Variants in FAM135A observed in about 807,000 individuals in gnomAD.
FAM135A encodes family with sequence similarity 135 member A, also known as protein FAM135A.
In FAM135A, 79 loss-of-function variants were observed where a neutral mutation model predicts 146.8. That is an observed-to-expected ratio of 0.54 (90% CI 0.45 to 0.65). The LOEUF (loss-of-function observed/expected upper bound fraction) is 0.65. FAM135A is among the 30% of genes least tolerant of loss of function. The probability of loss-of-function intolerance (pLI) is 0.00; values close to 1 mark genes in which losing one functional copy is unlikely to be tolerated. For synonymous variants in FAM135A, 562 were observed against 603.6 expected (o/e 0.93, Z 1.01); for missense variants, 1,623 against 1,758.2 (o/e 0.92, Z 1.38).
At position 70,525,777 on chromosome 6, in the gene FAM135A, T is replaced by C; in HGVS notation, c.2693T>C (p.Val898Ala). 1.2e-6 allele frequency: 2 copies of C among 1,613,450 alleles called. No homozygotes were observed. The highest frequency in any genetic ancestry group is 1.7e-6 in the Non-Finnish European group (2 of 1,179,638). ...SSITLQQQSV[V>A]FSGNLDNETV... Reference sequence around the variant, plus strand: ...ATCACTTTGCAACAGCAGAGTGTTGTATTTTCAGGGAACTTGGACAATGAA... The same window carrying C: ...ATCACTTTGCAACAGCAGAGTGTTGCATTTTCAGGGAACTTGGACAATGAA... The change falls in exon 15 of 22, where the codon GTA becomes GCA. Residue 898 changes from valine to alanine, a missense_variant. This residue lies in a region of FAM135A where 1,061 missense variants were observed against 1,113.8 expected (regional missense o/e 0.95). Coordinates refer to ENST00000418814, the MANE Select transcript of FAM135A (RefSeq NM_001162529.3).
intron 4 of FAM135A, among the ~76,000 whole-genome samples, chr6:70,429,709 CTA>C (rs1308572279): frequency 1.3e-5 from 2 of 151,998 alleles, no homozygotes; most frequent in African/African-American, 4.8e-5. Flanking sequence ...AATTTTATCA[CTA>C]TTATTACAAT....
At chr6:70,446,236 A>G (rs140428898) in intron 4 of FAM135A, among the ~76,000 whole-genome samples, 3,351 of 152,306 alleles carry the variant, frequency 0.022, 123 homozygotes, top group African/African-American at 0.076. Context: ...AAGAGCCATT[A>G]ATAGTTTCCA....
intron 5 of FAM135A, among the ~76,000 whole-genome samples, chr6:70,457,500 G>A (rs1778589622): frequency 6.6e-6 from 1 of 152,166 alleles, no homozygotes; most frequent in Non-Finnish European, 1.5e-5. Flanking sequence ...TTCCAAATGA[G>A]TATGTTTGTT....
intron 13 of FAM135A, 147 bp downstream of exon 13, chr6:70,522,733 A>G (rs2128340527): frequency 1.6e-6 from 1 of 642,558 alleles, no homozygotes; most frequent in Non-Finnish European, 2.6e-6. Flanking sequence ...TCTATAATCA[A>G]ATTGTTTCAT....
chr6:70,470,546 A>G (rs1781413066), intron 5 of FAM135A, among the ~76,000 whole-genome samples: 1 of 152,130 alleles, frequency 6.6e-6, no homozygotes, highest in South Asian at 2.1e-4. Context: ...TACTAGAGAC[A>G]GGATTTCGCC....
At chr6:70,458,738 C>G (rs1043509764) in intron 5 of FAM135A, among the ~76,000 whole-genome samples, 3 of 152,104 alleles carry the variant, frequency 2.0e-5, no homozygotes, top group African/African-American at 7.2e-5. Flanking sequence ...ATGCGTCTCA[C>G]AAGTGTTAGT....
Position 70,435,949 on chromosome 6 carries a change from C to T in FAM135A, c.77+7530C>T, listed in dbSNP as rs991526795. Among the ~76,000 whole-genome samples the T allele has an allele frequency of 3.9e-5, 6 of 152,094 alleles. No homozygotes were observed. The South Asian group carries it at 6.2e-4, about 16-fold the overall frequency. The stretch of plus-strand genomic sequence containing the variant: ...CTGTGATCCCAGCACTTTGGGAGGC[C>T]GAAGCAGGCTGATCACCTGAGGTCA... On this transcript the variant is annotated intron_variant, in intron 4 of 21. Transcript: ENST00000418814.
intron 4 of FAM135A, among the ~76,000 whole-genome samples, chr6:70,435,328 C>T (rs1772815239): frequency 6.6e-6 from 1 of 151,790 alleles, no homozygotes; most frequent in Non-Finnish European, 1.5e-5. Flanking sequence ...TGGTCTCAAA[C>T]TCCTGACCTT....
chr6:70,551,874 G>T (rs564654565), intron 20 of FAM135A, among the ~76,000 whole-genome samples: 18 of 152,072 alleles, frequency 1.2e-4, no homozygotes, highest in African/African-American at 4.3e-4. Context: ...ACTGATCACA[G>T]ATCACCATAA....
At chr6:70,454,932 T>A (rs1777984418) in intron 5 of FAM135A, among the ~76,000 whole-genome samples, 1 of 152,204 alleles carries the variant, frequency 6.6e-6, no homozygotes, top group South Asian at 2.1e-4. Flanking sequence ...TGGTTCCATA[T>A]GAATTTTAAA....
intron 4 of FAM135A, among the ~76,000 whole-genome samples, chr6:70,450,853 T>C (rs2128028190): frequency 6.8e-6 from 1 of 148,046 alleles, no homozygotes; most frequent in East Asian, 2.1e-4. Flanking sequence ...GCAATTCTCA[T>C]GCCTCAGCCT....
At chr6:70,481,854 A>G (rs1783762376) in intron 9 of FAM135A, 147 bp from the exon 10 acceptor site, 1 of 745,144 alleles carries the variant, frequency 1.3e-6, no homozygotes, top group African/African-American at 1.8e-5. Context: ...TTGTATAAAC[A>G]ACTCTCAAAT....
At chr6:70,440,717 C>G (rs1300873417) in intron 4 of FAM135A, among the ~76,000 whole-genome samples, 1 of 152,046 alleles carries the variant, frequency 6.6e-6, no homozygotes, top group East Asian at 1.9e-4. Flanking sequence ...TGTAAGTATT[C>G]AGTTTGAAAA....
intron 5 of FAM135A, among the ~76,000 whole-genome samples, chr6:70,470,439 C>T (rs112973812): frequency 0.021 from 3,235 of 152,238 alleles, 107 homozygotes; most frequent in African/African-American, 0.074. Context: ...ACTCTGCAAC[C>T]TCCGCCTCCC....
chr6:70,458,256 A>G (rs1356242490), intron 5 of FAM135A, among the ~76,000 whole-genome samples: 2 of 152,168 alleles, frequency 1.3e-5, no homozygotes, highest in African/African-American at 4.8e-5. Context: ...GAAATACATA[A>G]AATCTCTTTC....
intron 12 of FAM135A, among the ~76,000 whole-genome samples, chr6:70,520,940 GTGTT>G: frequency 6.6e-6 from 1 of 152,370 alleles, no homozygotes; most frequent in East Asian, 1.9e-4. Context: ...GAAAAGGTAA[GTGTT>G]TGGAGCACAA....
Position 70,440,111 on chromosome 6 carries a change from AATATGTCTCTTAC to A in FAM135A, c.77+11695_77+11707del, listed in dbSNP as rs1188551466. Among the ~76,000 whole-genome samples the A allele has an allele frequency of 2.0e-5, 3 of 152,320 alleles. No homozygotes were observed. In the East Asian group the frequency reaches 5.8e-4, roughly 29 times the overall value. On this transcript the variant is annotated intron_variant, in intron 4 of 21. Transcript: ENST00000418814. Reference sequence around the variant, plus strand: ...CAAAATTCATAGCTTGCATTTGGTTAATATGTCTCTTACATTTTCCAAAATTTAAAATTGATGG... The same window carrying A: ...CAAAATTCATAGCTTGCATTTGGTTAATTTTCCAAAATTTAAAATTGATGG...
chr6:70,500,308 C>T (rs1287234922), intron 11 of FAM135A, among the ~76,000 whole-genome samples: 1 of 152,130 alleles, frequency 6.6e-6, no homozygotes, highest in East Asian at 1.9e-4. Context: ...ATGAAGTTCT[C>T]GTGTTGTTTT....
chr6:70,462,869 G>A (rs1779681060), intron 5 of FAM135A, among the ~76,000 whole-genome samples: 1 of 152,196 alleles, frequency 6.6e-6, no homozygotes, highest in South Asian at 2.1e-4. Context: ...TATTTTGGCA[G>A]TGGTTAATTA....
Sources: allele counts gnomAD v4.1 joint callset (sites outside exome capture counted in the v4.1 genomes callset), GRCh38; gene constraint gnomAD v4.1.1; regional missense constraint gnomAD v4.1.1; transcripts MANE v1.5; gene names NCBI Gene and HGNC (gene_info 2026-07-23, HGNC 2026-07-21).